Variants in QRFPR observed in about 807,000 individuals in gnomAD.
The protein encoded by QRFPR is pyroglutamylated RF-amide peptide receptor.
In QRFPR, 37 loss-of-function variants were observed where a neutral mutation model predicts 31.3. That is an observed-to-expected ratio of 1.18 (90% confidence interval 0.91 to 1.56). QRFPR has a LOEUF of 1.56. Ranked by LOEUF, QRFPR falls within the 40% of genes most tolerant of loss-of-function variation. The probability of loss-of-function intolerance (pLI) is 0.00; values close to 1 mark genes in which losing one functional copy is unlikely to be tolerated. For synonymous variants in QRFPR, 197 were observed against 192.0 expected (o/e 1.03, Z -0.22); for missense variants, 542 against 532.5 (o/e 1.02, Z -0.18).
At chr4:121,329,940 A>G (rs761147325) in intron 5 of QRFPR, among the ~76,000 whole-genome samples, 3 of 152,172 alleles carry the variant, frequency 2.0e-5, no homozygotes, top group Non-Finnish European at 4.4e-5. Context: ...TGTCCAGCAT[A>G]TAGTAGGGGG....
chr4:121,354,593 A>G (rs1193251489), intron 1 of QRFPR, among the ~76,000 whole-genome samples: 1 of 152,048 alleles, frequency 6.6e-6, no homozygotes, highest in East Asian at 1.9e-4. Flanking sequence ...TTCTATGTTG[A>G]AAAAAAGAGG....
At chr4:121,337,623 T>G (rs72668955) in intron 2 of QRFPR, among the ~76,000 whole-genome samples, 4,070 of 152,188 alleles carry the variant, frequency 0.027, 82 homozygotes, top group Middle Eastern at 0.088. Context: ...TAAAATCAAA[T>G]GTACATTTAT....
At chr4:121,376,902 G>A (rs1052369096) in intron 1 of QRFPR, among the ~76,000 whole-genome samples, 4 of 152,050 alleles carry the variant, frequency 2.6e-5, no homozygotes, top group Admixed American at 6.5e-5. Flanking sequence ...TAATGTGCAC[G>A]TGAAACAATT....
chr4:121,330,123 T>C (rs770243370), intron 5 of QRFPR, among the ~76,000 whole-genome samples: 13 of 152,150 alleles, frequency 8.5e-5, no homozygotes, highest in Admixed American at 6.5e-4. Context: ...GGGTTCTAAA[T>C]GGGAAATGCT....
At chr4:121,360,229 T>C (rs999558602) in intron 1 of QRFPR, among the ~76,000 whole-genome samples, 1 of 152,202 alleles carries the variant, frequency 6.6e-6, no homozygotes, top group African/African-American at 2.4e-5. Context: ...CACCTTTCAG[T>C]GTAATCTAAT....
At chr4:121,369,722 T>A in intron 1 of QRFPR, 1 of 1,598,330 alleles carries the variant, frequency 6.3e-7, no homozygotes, top group Non-Finnish European at 8.6e-7. Context: ...ACTTCCAGAG[T>A]CCATGGTGCT....
chr4:121,329,297 T>A lies in QRFPR; in HGVS notation c.*17A>T. ...GTTACAATCTGAAGGGCATTAATTA[T>A]GAAGATATTGTTATAATTAATGCCC... On this transcript the variant is annotated 3_prime_UTR_variant, in exon 6 of 6. Transcript: ENST00000394427. 6.4e-7 allele frequency: 1 copy of A among 1,565,516 alleles called. No individual in the cohort carries two copies.
chr4:121,380,778 G>A lies in QRFPR; in HGVS notation c.-131C>T. The A allele has an allele frequency of 1.2e-6, 1 of 818,140 alleles. No homozygotes were observed. The highest frequency in any genetic ancestry group is 1.9e-6 in the Non-Finnish European group (1 of 532,694). 50.7% of individuals were successfully genotyped at this position (818,140 alleles called of 1,614,324 possible). A position where few individuals can be genotyped will look rare whatever the true frequency, so the allele number is the denominator to read the frequency against. The stretch of plus-strand genomic sequence containing the variant: ...CCTCTACTCTGGAGTCAGCCGCGCG[G>A]GAGGGCTCTAGGCTGCACCCCGGGA... On this transcript the variant is annotated 5_prime_UTR_variant, in exon 1 of 6. Transcript: ENST00000394427.
chr4:121,335,566 T>C (rs1725416935), intron 3 of QRFPR, among the ~76,000 whole-genome samples: 1 of 34,740 alleles, frequency 2.9e-5, no homozygotes, highest in African/African-American at 8.9e-5. Context: ...AGGCAGCCAA[T>C]TGTATGGGGG....
At chr4:121,344,221 T>C (rs937221803) in intron 1 of QRFPR, among the ~76,000 whole-genome samples, 1 of 152,208 alleles carries the variant, frequency 6.6e-6, no homozygotes, top group Non-Finnish European at 1.5e-5. Flanking sequence ...TTAAATGATG[T>C]GCTCAGGTCC....
At chr4:121,354,356 A>AT (rs71599123) in intron 1 of QRFPR, among the ~76,000 whole-genome samples, 38,970 of 151,730 alleles carry the variant, frequency 0.26, 5,679 homozygotes, top group Non-Finnish European at 0.34. Flanking sequence ...CATATTTTCC[A>AT]TTTTTTTATG....
rs70950816 is a variant in QRFPR, at chr4:121,380,186, GGAGAGAGAGAGAGAGAGA to G, written c.340+104_340+121del. 722 of 236,136 alleles carry G rather than the reference GGAGAGAGAGAGAGAGAGA, an allele frequency of 3.1e-3. 3 individuals carry two copies. Among genetic ancestry groups the G allele is most frequent in the African/African-American group, 0.014 (187 of 13,402 alleles). 14.6% of individuals were successfully genotyped at this position (236,136 alleles called of 1,614,324 possible). On this transcript the variant is annotated intron_variant, in intron 1 of 5. Coordinates refer to ENST00000394427, the MANE Select transcript of QRFPR (RefSeq NM_198179.3). ...GAGAGAGAGACAGACAGACGAGAGA[GGAGAGAGAGAGAGAGAGA>G]GAGAGAGAGAGAGAGAGAGAGAGAG...
chr4:121,370,239 G>T (rs937846590), intron 1 of QRFPR: 9 of 779,728 alleles, frequency 1.2e-5, no homozygotes, highest in Non-Finnish European at 1.9e-5. Context: ...GTCCTTGAGG[G>T]TATCATCATA....
chr4:121,334,620 C>A, intron 3 of QRFPR: 1 of 389,780 alleles, frequency 2.6e-6, no homozygotes, highest in Admixed American at 2.8e-5. Context: ...AGGGTAAAGC[C>A]TGGCAGAGAA....
At chr4:121,363,216 C>T (rs929651315) in intron 1 of QRFPR, among the ~76,000 whole-genome samples, 1 of 150,028 alleles carries the variant, frequency 6.7e-6, no homozygotes, top group Non-Finnish European at 1.5e-5. Context: ...ATCACAACTA[C>T]TCAGGAGGCT....
At chr4:121,335,055 C>T (rs2110467690) in intron 3 of QRFPR, among the ~76,000 whole-genome samples, 1 of 152,176 alleles carries the variant, frequency 6.6e-6, no homozygotes, top group South Asian at 2.1e-4. Context: ...TTTGTTTAAT[C>T]AGATGTTTTC....
chr4:121,367,882 A>T (rs199614746), intron 1 of QRFPR, among the ~76,000 whole-genome samples: 1 of 144,326 alleles, frequency 6.9e-6, no homozygotes, highest in Non-Finnish European at 1.5e-5. Context: ...ACATTTGCAG[A>T]TTTTTTTTTT....
At chr4:121,350,089 T>G (rs781653668) in intron 1 of QRFPR, among the ~76,000 whole-genome samples, 2 of 152,178 alleles carry the variant, frequency 1.3e-5, no homozygotes, top group Non-Finnish European at 2.9e-5. Context: ...GTGAGTTGGA[T>G]GACAAAAAGG....
chr4:121,342,990 G>A (rs10857080), intron 1 of QRFPR, among the ~76,000 whole-genome samples: 23,799 of 152,092 alleles, frequency 0.16, 2,760 homozygotes, highest in East Asian at 0.54. Context: ...CCTAGTTGTC[G>A]CAGCTGTTTC....
Sources: gnomAD v4.1 joint callset for allele counts (sites outside exome capture counted in the v4.1 genomes callset) on GRCh38, gnomAD v4.1.1 for gene constraint, MANE v1.5 for transcripts, NCBI Gene and HGNC (gene_info 2026-07-23, HGNC 2026-07-21) for gene names.